Variants in DNAJC18 observed in about 807,000 individuals in gnomAD.
The protein encoded by DNAJC18 is DnaJ heat shock protein family (Hsp40) member C18, also known as dnaJ homolog subfamily C member 18.
A neutral mutation model predicts 48.6 loss-of-function variants in DNAJC18; 40 were observed. That is an observed-to-expected ratio of 0.82 (90% CI 0.64 to 1.07). The LOEUF (loss-of-function observed/expected upper bound fraction) is 1.07, where lower values mean the gene tolerates loss of function less well. Among genes scored for constraint, DNAJC18 ranks in the 50% least tolerant of loss-of-function variants. DNAJC18 has a pLI of 0.00. For synonymous variants in DNAJC18, 135 were observed against 152.2 expected (o/e 0.89, Z 0.83); for missense variants, 340 against 427.7 (o/e 0.79, Z 1.81).
chr5:139,437,950 C>T (rs748070637), intron 1 of DNAJC18, among the ~76,000 whole-genome samples: 1 of 152,216 alleles, frequency 6.6e-6, no homozygotes, highest in Non-Finnish European at 1.5e-5. Context: ...GCAAGCTTGT[C>T]CAACCCGCGG....
intron 7 of DNAJC18, among the ~76,000 whole-genome samples, chr5:139,416,589 T>C (rs991897040): frequency 7.9e-5 from 12 of 152,252 alleles, no homozygotes; most frequent in Admixed American, 1.3e-4. Flanking sequence ...GTTACACCCA[T>C]ACCATCTTCC....
At chr5:139,432,177 T>C (rs1032023050) in intron 2 of DNAJC18, among the ~76,000 whole-genome samples, 9 of 152,148 alleles carry the variant, frequency 5.9e-5, no homozygotes, top group African/African-American at 2.2e-4. Flanking sequence ...TCTTTTTTTT[T>C]TTTTGAGATA....
chr5:139,425,724 A>G (rs376590477), intron 4 of DNAJC18, among the ~76,000 whole-genome samples: 11 of 152,122 alleles, frequency 7.2e-5, no homozygotes, highest in African/African-American at 2.7e-4. Flanking sequence ...GCCCAATACC[A>G]TATTGTGTCA....
At chr5:139,421,972 T>A (rs773430408) in intron 6 of DNAJC18, among the ~76,000 whole-genome samples, 4 of 152,174 alleles carry the variant, frequency 2.6e-5, no homozygotes, top group Admixed American at 6.5e-5. Context: ...TGAATAATAA[T>A]TTATTATTCA....
rs1750737639 is a variant in DNAJC18 at position 139,439,006 on chromosome 5, G to C, written c.40+400C>G. 6.6e-6 allele frequency among the ~76,000 whole-genome samples: 1 copy of C among 152,172 alleles called. No individual in the cohort carries two copies. Among genetic ancestry groups the C allele is most frequent in the African/African-American group, 2.4e-5 (1 of 41,442 alleles). On this transcript the variant is annotated intron_variant, in intron 1 of 7. Transcript: ENST00000302060. The surrounding 1 kb of genome is among the most constrained non-coding windows in gnomAD (Gnocchi z 4.1). Reference sequence around the variant, plus strand: ...GGTGGAAAAGGCTGGTCCTGATGCCGGCTGGAGCGACATGATCAAACAGGG... The same window carrying C: ...GGTGGAAAAGGCTGGTCCTGATGCCCGCTGGAGCGACATGATCAAACAGGG...
chr5:139,424,079 A>C (rs1236398805), intron 5 of DNAJC18, among the ~76,000 whole-genome samples: 1 of 152,286 alleles, frequency 6.6e-6, no homozygotes, highest in East Asian at 1.9e-4. Context: ...TCTCCTAGGA[A>C]TTTGGGGTTG....
At chr5:139,419,754 G>C (rs1253518203) in intron 7 of DNAJC18, among the ~76,000 whole-genome samples, 1 of 152,224 alleles carries the variant, frequency 6.6e-6, no homozygotes, top group African/African-American at 2.4e-5. Context: ...GAAGGCAGCT[G>C]GTGGGGAGAG....
rs1759002265 is a variant in DNAJC18, at chr5:139,412,051, C to A, written c.*2097G>T. The A allele has an allele frequency of 6.6e-6, 1 of 152,172 alleles. No individual in the cohort carries two copies. The allele number at this position is 152,172 out of a possible 1,614,324, so 9.4% of individuals were successfully genotyped here. On this transcript the variant is annotated 3_prime_UTR_variant, in exon 8 of 8. Coordinates refer to ENST00000302060, the MANE Select transcript of DNAJC18 (RefSeq NM_152686.4). ...GACAGATCTAGTTGGGCAGCAAAAT[C>A]TGGCTATTTCTAGAAATGCTCCCTC... is the stretch of plus-strand genomic sequence containing the variant.
intron 5 of DNAJC18, 43 bp from the exon 6 acceptor site, chr5:139,422,860 T>TG (rs750289006): frequency 7.0e-7 from 1 of 1,433,646 alleles, no homozygotes; most frequent in Non-Finnish European, 9.5e-7. Flanking sequence ...AAGTGTTCTT[T>TG]TTTTTTTTTC....
At position 139,439,395 on chromosome 5, in the gene DNAJC18, G is replaced by A; in HGVS notation, c.40+11C>T. 1 of 1,614,154 alleles carries A rather than the reference G, an allele frequency of 6.2e-7. No individual in the cohort carries two copies. The highest frequency in any genetic ancestry group is 1.7e-5 in the Admixed American group (1 of 60,028). ...GCCGCCCTATCCCTCCTTCAGGCGG[G>A]GACCTAGTACCTTCCGTCCAGCGCT... On this transcript the variant is annotated intron_variant, in intron 1 of 7. Coordinates refer to ENST00000302060, the MANE Select transcript of DNAJC18 (RefSeq NM_152686.4). The surrounding 1 kb of genome is among the most constrained non-coding windows in gnomAD (Gnocchi z 4.1).
chr5:139,411,172 C>T lies in DNAJC18; in HGVS notation c.*2976G>A, dbSNP rs2152081561. 1 of 152,322 alleles carries T rather than the reference C, an allele frequency of 6.6e-6. No homozygotes were observed. Among genetic ancestry groups the T allele is most frequent in the East Asian group, 1.9e-4 (1 of 5,192 alleles). 9.4% of individuals were successfully genotyped at this position (152,322 alleles called of 1,614,324 possible). A position where few individuals can be genotyped will look rare whatever the true frequency, so the allele number is the denominator to read the frequency against. Reference sequence around the variant, plus strand: ...TGAGGCCTGGAGCTGATCAAGGAAGCTTACACATTTCCCGGCCTGAGCAGA... The same window carrying T: ...TGAGGCCTGGAGCTGATCAAGGAAGTTTACACATTTCCCGGCCTGAGCAGA... On this transcript the variant is annotated 3_prime_UTR_variant, in exon 8 of 8. Transcript: ENST00000302060.
intron 2 of DNAJC18, among the ~76,000 whole-genome samples, chr5:139,431,023 C>A (rs1759322572): frequency 1.3e-5 from 2 of 152,050 alleles, no homozygotes; most frequent in Non-Finnish European, 2.9e-5. Context: ...TTGGGAAATT[C>A]ATCGTAAGTC....
At chr5:139,420,287 C>T in intron 6 of DNAJC18, 62 bp from the exon 7 acceptor site, 1 of 1,475,654 alleles carries the variant, frequency 6.8e-7, no homozygotes, top group South Asian at 1.3e-5. Flanking sequence ...ACTCTTAGCA[C>T]TGCCCTCACA....
chr5:139,424,820 G>A (rs2152083784), intron 5 of DNAJC18, among the ~76,000 whole-genome samples, 185 bp downstream of exon 5: 1 of 151,430 alleles, frequency 6.6e-6, no homozygotes, highest in South Asian at 2.1e-4. Context: ...GCAGAGGGAG[G>A]GGATACCATT....
rs955239231 is a variant in DNAJC18 at position 139,426,488 on chromosome 5, T to C, written c.374-131A>G. The C allele has an allele frequency of 7.3e-6, 8 of 1,101,808 alleles. No homozygotes were observed. In the African/African-American group the frequency reaches 1.1e-4, roughly 15 times the overall value. The allele number at this position is 1,101,808 out of a possible 1,614,324, so 68.3% of individuals were successfully genotyped here. Reference sequence around the variant, plus strand: ...TTCGCAGGGGCCCAAGAAGAGATGCTTGGGCCTAGAAAGTTCTCCACAGTG... The same window carrying C: ...TTCGCAGGGGCCCAAGAAGAGATGCCTGGGCCTAGAAAGTTCTCCACAGTG... On this transcript the variant is annotated intron_variant, in intron 3 of 7. Coordinates refer to ENST00000302060, the MANE Select transcript of DNAJC18 (RefSeq NM_152686.4).
chr5:139,437,403 AC>A lies in DNAJC18; in HGVS notation c.195del (p.Tyr66IlefsTer42). Reference protein sequence around the residue: ...TQTRQGEGNSTYSEEQLLGVQ... With the variant: ...TQTRQGEGNSXYSEEQLLGVQ... ...ACCCCAAGCAGCTGTTCCTCACTAT[AC>A]GTGGAGTTCCCCTCACCCTGCCGGG... On this transcript the variant is annotated frameshift_variant, in exon 2 of 8. Transcript: ENST00000302060. LOFTEE classifies it high-confidence loss of function. 2 of 1,613,544 alleles carry A rather than the reference AC, an allele frequency of 1.2e-6. No homozygotes were observed. Among genetic ancestry groups the A allele is most frequent in the Non-Finnish European group, 1.7e-6 (2 of 1,179,768 alleles).
At position 139,422,814 on chromosome 5, in the gene DNAJC18, T is replaced by C; in HGVS notation, c.673A>G (p.Thr225Ala). 1 of 1,574,200 alleles carries C rather than the reference T, an allele frequency of 6.4e-7. No individual in the cohort carries two copies. Among genetic ancestry groups the C allele is most frequent in the Non-Finnish European group, 8.6e-7 (1 of 1,166,934 alleles). The change falls in exon 6 of 8, where the codon ACA becomes GCA. Residue 225 changes from threonine (T) to alanine (A), a missense_variant. Thr to Ala is a moderately conservative substitution (Grantham distance 58). Transcript: ENST00000302060. ...AGTAGCTGAATAAATGCAGAATATG[T>C]AGTCTGAAAAAGAAAAAAAAATAAA... is the stretch of plus-strand genomic sequence containing the variant. ...KEEEEEKPQTTYSAFIQLLPV... is the reference protein window; with the variant it reads ...KEEEEEKPQTAYSAFIQLLPV...
intron 2 of DNAJC18, among the ~76,000 whole-genome samples, chr5:139,433,326 C>T (rs1317383709): frequency 2.0e-5 from 3 of 152,160 alleles, no homozygotes; most frequent in South Asian, 2.1e-4. Context: ...CGCCTGTAAT[C>T]CCAGCTACTT....
At chr5:139,426,623 C>T (rs191863672) in intron 3 of DNAJC18, among the ~76,000 whole-genome samples, 28 of 152,280 alleles carry the variant, frequency 1.8e-4, no homozygotes, top group African/African-American at 6.5e-4. Flanking sequence ...CTGTAGTCAT[C>T]CCAGCTGTCC....
Sources: allele counts gnomAD v4.1 joint callset (sites outside exome capture counted in the v4.1 genomes callset), GRCh38; gene constraint gnomAD v4.1.1; non-coding constraint Gnocchi (gnomAD v3.1); transcripts MANE v1.5; gene names NCBI Gene and HGNC (gene_info 2026-07-23, HGNC 2026-07-21).